QTMAN: variants seen among roughly 807,000 people sequenced by gnomAD.
QTMAN encodes the protein tRNA-queuosine alpha-mannosyltransferase.
chr2:144,025,778 A>G, the QTMAN span, among the ~76,000 whole-genome samples: 1 of 152,216 alleles, frequency 6.6e-6, no homozygotes, highest in Non-Finnish European at 1.5e-5. Flanking sequence ...AAACAGTACC[A>G]GCTATGTAAC....
the QTMAN span, among the ~76,000 whole-genome samples, chr2:144,196,649 T>C: frequency 2.0e-5 from 3 of 152,220 alleles, no homozygotes; most frequent in African/African-American, 7.2e-5. Context: ...AGAAGACATT[T>C]ACTTCCTAAA....
chr2:144,265,514 G>A, the QTMAN span, among the ~76,000 whole-genome samples: 1 of 151,936 alleles, frequency 6.6e-6, no homozygotes, highest in Non-Finnish European at 1.5e-5. Context: ...TCGCTAATAC[G>A]GTGAAACTCT....
At chr2:143,956,360 C>T in the QTMAN span, among the ~76,000 whole-genome samples, 9 of 152,118 alleles carry the variant, frequency 5.9e-5, no homozygotes, top group East Asian at 1.4e-3. Context: ...GCTTTAAAGT[C>T]AGAAGACAAA....
the QTMAN span, among the ~76,000 whole-genome samples, chr2:144,146,352 T>C: frequency 6.6e-6 from 1 of 151,138 alleles, no homozygotes; most frequent in Non-Finnish European, 1.5e-5. Flanking sequence ...TGGTACCAGA[T>C]GCATCATCTG....
chr2:144,074,544 T>C, the QTMAN span, among the ~76,000 whole-genome samples: 7 of 152,342 alleles, frequency 4.6e-5, no homozygotes, highest in South Asian at 2.1e-4. Context: ...TATTTTCTAA[T>C]CTTGCGTAAC....
the QTMAN span, among the ~76,000 whole-genome samples, chr2:144,253,035 G>A: frequency 6.6e-6 from 1 of 152,264 alleles, no homozygotes; most frequent in East Asian, 1.9e-4. Context: ...GTTGTGGGAG[G>A]AGCCTGGTGG....
At chr2:144,172,010 A>G in the QTMAN span, among the ~76,000 whole-genome samples, 3 of 152,150 alleles carry the variant, frequency 2.0e-5, no homozygotes, top group Non-Finnish European at 4.4e-5. Context: ...CAGAGTTTTC[A>G]AAGTATTTTC....
the QTMAN span, among the ~76,000 whole-genome samples, chr2:144,204,386 GA>G: frequency 2.6e-5 from 4 of 152,272 alleles, no homozygotes; most frequent in African/African-American, 9.6e-5. Context: ...ACAGACACGT[GA>G]AAAAATTCTC....
chr2:143,971,767 T>C, the QTMAN span, among the ~76,000 whole-genome samples: 130 of 152,280 alleles, frequency 8.5e-4, 1 homozygote, highest in African/African-American at 3.0e-3. Context: ...CAATTGAATT[T>C]CTCATTTACT....
the QTMAN span, among the ~76,000 whole-genome samples, chr2:144,298,082 G>A: frequency 4.7e-5 from 7 of 150,436 alleles, no homozygotes; most frequent in East Asian, 2.0e-4. Context: ...GCAATGGCGC[G>A]ATCTCGGCTC....
the QTMAN span, among the ~76,000 whole-genome samples, chr2:144,035,960 G>A: frequency 6.6e-6 from 1 of 152,178 alleles, no homozygotes; most frequent in East Asian, 1.9e-4. Context: ...TTATTTCACT[G>A]TATCTTTCTA....
the QTMAN span, among the ~76,000 whole-genome samples, chr2:144,118,925 A>T: frequency 6.6e-6 from 1 of 152,184 alleles, no homozygotes; most frequent in East Asian, 1.9e-4. Context: ...ATGGATCGTG[A>T]AAATTCCTGG....
chr2:144,190,297 C>T, the QTMAN span, among the ~76,000 whole-genome samples: 1 of 152,114 alleles, frequency 6.6e-6, no homozygotes, highest in Admixed American at 6.5e-5. Flanking sequence ...CTTGCTCACT[C>T]GTTCAAATCA....
the QTMAN span, among the ~76,000 whole-genome samples, chr2:144,270,920 T>C: frequency 6.6e-6 from 1 of 152,240 alleles, no homozygotes; most frequent in African/African-American, 2.4e-5. Context: ...AAAGATCTGG[T>C]AGGAAAGAGA....
At chr2:144,140,933 C>T in the QTMAN span, among the ~76,000 whole-genome samples, 58 of 152,012 alleles carry the variant, frequency 3.8e-4, no homozygotes, top group African/African-American at 1.4e-3. Context: ...ATAAGACACT[C>T]AAATAAATCA....
At chr2:144,203,447 G>C in the QTMAN span, among the ~76,000 whole-genome samples, 29 of 152,134 alleles carry the variant, frequency 1.9e-4, no homozygotes, top group African/African-American at 6.5e-4. Context: ...TGCAAGTCTA[G>C]AACTAGGCCG....
the QTMAN span, among the ~76,000 whole-genome samples, chr2:144,297,901 A>G: frequency 6.6e-6 from 1 of 150,734 alleles, no homozygotes; most frequent in African/African-American, 2.4e-5. Flanking sequence ...CTTAAAAAAG[A>G]AAAAAAAAGT....
At chr2:144,194,143 TA>T in the QTMAN span, among the ~76,000 whole-genome samples, 1 of 152,166 alleles carries the variant, frequency 6.6e-6, no homozygotes, top group African/African-American at 2.4e-5. Flanking sequence ...ATCAGTCACT[TA>T]GGGGAACAGT....
At chr2:144,208,313 C>T in the QTMAN span, among the ~76,000 whole-genome samples, 2 of 152,136 alleles carry the variant, frequency 1.3e-5, no homozygotes, top group East Asian at 3.9e-4. Flanking sequence ...CTACTGTTCT[C>T]TCAGGCCAAA....
Sources: gnomAD v4.1 joint callset for allele counts (sites outside exome capture counted in the v4.1 genomes callset) on GRCh38, gnomAD v4.1.1 for gene constraint, MANE v1.5 for transcripts, NCBI Gene and HGNC (gene_info 2026-07-23, HGNC 2026-07-21) for gene names.